STBD1: variants seen among roughly 807,000 people sequenced by gnomAD.
STBD1 encodes the protein starch binding domain 1.
In STBD1, 13 loss-of-function variants were observed where a neutral mutation model predicts 10.5. The ratio of observed to expected loss-of-function variants is 1.24; its 90% CI spans 0.81 to 1.97. STBD1 has a LOEUF of 1.97. Ranked by LOEUF, STBD1 falls within the 30% of genes most tolerant of loss-of-function variation. The probability of loss-of-function intolerance (pLI) is 0.00; values close to 1 mark genes in which losing one functional copy is unlikely to be tolerated. For missense variants in STBD1, 427 were observed against 435.6 expected, an observed-to-expected ratio of 0.98 and a Z score of 0.17; for synonymous variants, 146 against 160.2, an observed-to-expected ratio of 0.91 and a Z score of 0.67.
chr4:76,308,605 C>T (rs961123032), intron 1 of STBD1, among the ~76,000 whole-genome samples: 3 of 152,222 alleles, frequency 2.0e-5, no homozygotes, highest in Non-Finnish European at 4.4e-5. Context: ...CCACTCCTGC[C>T]CAGGGAAGCA....
chr4:76,310,149 A>G lies in STBD1; in HGVS notation c.*149A>G, dbSNP rs1718903293. On this transcript the variant is annotated 3_prime_UTR_variant, in exon 2 of 2. Transcript: ENST00000237642. The stretch of plus-strand genomic sequence containing the variant: ...CTAGTGGATTTTGTCTAATGTGCAG[A>G]AATATATATGTCTAATGTGCAGAAA... 3 of 940,260 alleles carry G rather than the reference A, an allele frequency of 3.2e-6. No individual in the cohort carries two copies. Among genetic ancestry groups the G allele is most frequent in the African/African-American group, 3.3e-5 (2 of 60,960 alleles). 58.2% of individuals were successfully genotyped at this position (940,260 alleles called of 1,614,324 possible).
intron 1 of STBD1, among the ~76,000 whole-genome samples, chr4:76,308,107 A>T (rs1469754560): frequency 6.6e-6 from 1 of 152,026 alleles, no homozygotes; most frequent in Non-Finnish European, 1.5e-5. Flanking sequence ...TGTCTCTACT[A>T]AAAGTACAAA....
At chr4:76,309,030 G>C in intron 1 of STBD1, 114 bp from the exon 2 acceptor site, 1 of 1,411,614 alleles carries the variant, frequency 7.1e-7, no homozygotes, top group African/African-American at 1.4e-5. Flanking sequence ...GGGACTTTGT[G>C]AATTGCAGAT....
chr4:76,309,803 A>G lies in STBD1; in HGVS notation c.880A>G (p.Asn294Asp), dbSNP rs577155826. ...TGDHECLGRW[N>D]TYIPLHYNKD... Reference sequence around the variant, plus strand: ...AGACCATGAGTGTCTTGGGAGATGGAACACTTACATCCCACTCCACTATAA... The same window carrying G: ...AGACCATGAGTGTCTTGGGAGATGGGACACTTACATCCCACTCCACTATAA... Residue 294 changes from asparagine (N) to aspartate (D), a missense_variant, in exon 2 of 2, where the codon AAC becomes GAC. Transcript: ENST00000237642. 1.7e-5 allele frequency: 27 copies of G among 1,614,212 alleles called. No homozygotes were observed. The African/African-American group carries it at 3.5e-4, about 21-fold the overall frequency.
intron 1 of STBD1, 125 bp downstream of exon 1, chr4:76,307,114 T>A (rs973542155): frequency 9.9e-7 from 1 of 1,011,218 alleles, no homozygotes; most frequent in Non-Finnish European, 1.5e-6. Context: ...CGGGCTCTCC[T>A]AAGGGGACTG....
Position 76,309,719 on chromosome 4 carries a change from G to T in STBD1, c.796G>T (p.Val266Phe). 6.2e-7 allele frequency: 1 copy of T among 1,614,260 alleles called. No homozygotes were observed. The highest frequency in any genetic ancestry group is 8.5e-7 in the Non-Finnish European group (1 of 1,180,050). Residue 266 changes from valine (V) to phenylalanine (F), a missense_variant, in exon 2 of 2, where the codon GTC becomes TTC. Transcript: ENST00000237642. ...GCCTGCAGGGTCTCAGCAAGTTAGT[G>T]TCAGGTTCCAGGTCCATTATGTCAC... Reference protein sequence around the residue: ...VMPAGSQQVSVRFQVHYVTST... With the variant: ...VMPAGSQQVSFRFQVHYVTST...
Position 76,309,364 on chromosome 4 carries a change from A to C in STBD1, c.441A>C (p.Glu147Asp). 6.2e-7 allele frequency: 1 copy of C among 1,612,820 alleles called. No individual in the cohort carries two copies. The highest frequency in any genetic ancestry group is 1.3e-5 in the African/African-American group (1 of 74,906). The change falls in exon 2 of 2, where the codon GAA becomes GAC. Residue 147 changes from glutamate (E) to aspartate (D), a missense_variant. By Grantham distance (45) the Glu-to-Asp change is conservative. Transcript: ENST00000237642. The part of the protein sequence containing the change: ...YSEVSRNESL[E>D]SPMGEWGFQK... Reference sequence around the variant, plus strand: ...AAGTTTCAAGAAATGAAAGCCTTGAATCTCCTATGGGAGAATGGGGATTCC... The same window carrying C: ...AAGTTTCAAGAAATGAAAGCCTTGACTCTCCTATGGGAGAATGGGGATTCC...
rs770371899 is a variant in STBD1, at chr4:76,306,806, G to T, written c.37G>T (p.Gly13Cys). ...CTGGTCCGCCCTGCTGGTTGGAGGG[G>T]GTCTGGCCGGAGCACTTTTCGTTTG... ...AVWSALLVGG[G>C]LAGALFVWLL... is the part of the protein sequence containing the mutation. The change falls in exon 1 of 2, where the codon GGT (glycine) becomes TGT (cysteine). Residue 13 changes from glycine (G) to cysteine (C), a missense_variant. Transcript: ENST00000237642. The T allele has an allele frequency of 3.7e-6, 6 of 1,612,762 alleles. No homozygotes were observed. The Admixed American group carries it at 1.0e-4, about 27-fold the overall frequency.
Position 76,306,959 on chromosome 4 carries a change from C to T in STBD1, c.190C>T (p.Pro64Ser). The T allele has an allele frequency of 6.2e-7, 1 of 1,606,268 alleles. No individual in the cohort carries two copies. Among genetic ancestry groups the T allele is most frequent in the Non-Finnish European group, 8.5e-7 (1 of 1,177,506 alleles). ...TGGCAGCAGCGGACTGAGCCCTGGACCTTCCGGGCAGGAGCTGGTCACCAA... is the reference window on the plus strand; with the variant it reads ...TGGCAGCAGCGGACTGAGCCCTGGATCTTCCGGGCAGGAGCTGGTCACCAA... ...QSGSSGLSPG[P>S]SGQELVTKPE... The change falls in exon 1 of 2, where the codon CCT becomes TCT. Residue 64 changes from proline to serine, a missense_variant. Transcript: ENST00000237642.
rs558044061 is a variant in STBD1 at position 76,310,953 on chromosome 4, A to G, written c.*953A>G. On this transcript the variant is annotated 3_prime_UTR_variant, in exon 2 of 2. Coordinates refer to ENST00000237642, the MANE Select transcript of STBD1 (RefSeq NM_003943.5). ...CATCTGGCCAGATGGACTGTCCTAC[A>G]GCAATCGTTTCCATCTGTCACCCTC... 1.7e-4 allele frequency: 26 copies of G among 152,350 alleles called. No homozygotes were observed. The highest frequency in any genetic ancestry group is 4.8e-4 in the African/African-American group (20 of 41,566). The allele number at this position is 152,350 out of a possible 1,614,324, so 9.4% of individuals were successfully genotyped here. A position where few individuals can be genotyped will look rare whatever the true frequency, so the allele number is the denominator to read the frequency against.
intron 1 of STBD1, among the ~76,000 whole-genome samples, chr4:76,307,682 C>T (rs934190291): frequency 3.3e-5 from 5 of 152,192 alleles, no homozygotes; most frequent in Admixed American, 2.0e-4. Context: ...GGACCCAACC[C>T]TGATGAGTAG....
In STBD1 at chr4:76,309,562, G is replaced by T. The variant is rs759808627; in HGVS notation, c.639G>T (p.Gly213=). The T allele has an allele frequency of 6.2e-7, 1 of 1,614,130 alleles. No individual in the cohort carries two copies. Among genetic ancestry groups the T allele is most frequent in the African/African-American group, 1.3e-5 (1 of 74,942 alleles). Residue 213 remains glycine (G), a synonymous_variant, in exon 2 of 2, where the codon GGG becomes GGT. Coordinates refer to ENST00000237642, the MANE Select transcript of STBD1 (RefSeq NM_003943.5). The part of the protein sequence containing the change: ...WEMVPRHSSW[G]DVGVGGSLKA... ...TGGTGCCTAGGCACTCATCTTGGGG[G>T]GATGTTGGTGTGGGTGGCAGTCTTA...
Position 76,309,799 on chromosome 4 carries a change from A to G in STBD1, c.876A>G (p.Arg292=). 6.2e-7 allele frequency: 1 copy of G among 1,614,170 alleles called. No individual in the cohort carries two copies. The highest frequency in any genetic ancestry group is 8.5e-7 in the Non-Finnish European group (1 of 1,180,036). The stretch of plus-strand genomic sequence containing the variant: ...CTGGAGACCATGAGTGTCTTGGGAG[A>G]TGGAACACTTACATCCCACTCCACT... ...AVTGDHECLG[R]WNTYIPLHYN... Residue 292 remains arginine, a synonymous_variant, in exon 2 of 2, where the codon AGA becomes AGG. Transcript: ENST00000237642.
chr4:76,306,971 G>C lies in STBD1; in HGVS notation c.202G>C (p.Glu68Gln), dbSNP rs1718788719. The C allele has an allele frequency of 3.1e-6, 5 of 1,599,506 alleles. No homozygotes were observed. Among genetic ancestry groups the C allele is most frequent in the Non-Finnish European group, 4.3e-6 (5 of 1,174,490 alleles). ...ACTGAGCCCTGGACCTTCCGGGCAG[G>C]AGCTGGTCACCAAACCAGGTATTCT... ...SGLSPGPSGQ[E>Q]LVTKPEHLQE... Residue 68 changes from glutamate (E) to glutamine (Q), a missense_variant, in exon 1 of 2, where the codon GAG becomes CAG. By Grantham distance (29) the Glu-to-Gln change is conservative. Coordinates refer to ENST00000237642, the MANE Select transcript of STBD1 (RefSeq NM_003943.5).
At position 76,309,202 on chromosome 4, in the gene STBD1, G is replaced by T. The variant is rs917940939; in HGVS notation, c.279G>T (p.Leu93=). 6.2e-7 allele frequency: 1 copy of T among 1,610,884 alleles called. No homozygotes were observed. The highest frequency in any genetic ancestry group is 8.5e-7 in the Non-Finnish European group (1 of 1,179,292). Residue 93 remains leucine, a synonymous_variant, in exon 2 of 2, where the codon CTG becomes CTT. Coordinates refer to ENST00000237642, the MANE Select transcript of STBD1 (RefSeq NM_003943.5). ...CTAAGACCAAAGACCTTGGTAAACT[G>T]CAAGCAGCATCATGGAGATTGCAGA... The part of the protein sequence containing the change: ...LISKTKDLGK[L]QAASWRLQNP...
rs1259019445 is a variant in STBD1 at position 76,310,722 on chromosome 4, T to C, written c.*722T>C. 6.5e-6 allele frequency: 1 copy of C among 152,856 alleles called. No homozygotes were observed. Among genetic ancestry groups the C allele is most frequent in the Non-Finnish European group, 1.5e-5 (1 of 68,204 alleles). The allele number at this position is 152,856 out of a possible 1,614,324, so 9.5% of individuals were successfully genotyped here. ...AGGGCCTAATGAGAACCAATCATCA[T>C]GGAAGTCAGTTGCGGGGGCAGCCCA... is the stretch of plus-strand genomic sequence containing the variant. On this transcript the variant is annotated 3_prime_UTR_variant, in exon 2 of 2. Transcript: ENST00000237642.
intron 1 of STBD1, 89 bp downstream of exon 1, chr4:76,307,078 C>T: frequency 1.5e-6 from 2 of 1,343,364 alleles, no homozygotes; most frequent in Non-Finnish European, 2.1e-6. Context: ...CCACCTGGAG[C>T]TTTCCTAGGG....
At chr4:76,307,469 A>G (rs1718809120) in intron 1 of STBD1, among the ~76,000 whole-genome samples, 1 of 152,216 alleles carries the variant, frequency 6.6e-6, no homozygotes, top group African/African-American at 2.4e-5. Flanking sequence ...TGGGTTTGGG[A>G]ACACCCGAAC....
chr4:76,309,376 A>G lies in STBD1; in HGVS notation c.453A>G (p.Gly151=), dbSNP rs762264796. 1.9e-6 allele frequency: 3 copies of G among 1,613,462 alleles called. No individual in the cohort carries two copies. The highest frequency in any genetic ancestry group is 1.1e-5 in the South Asian group (1 of 90,932). ...ATGAAAGCCTTGAATCTCCTATGGG[A>G]GAATGGGGATTCCAAAAAGGACAAG... The part of the protein sequence containing the change: ...SRNESLESPM[G]EWGFQKGQEI... The change falls in exon 2 of 2, where the codon GGA becomes GGG. Residue 151 remains glycine, a synonymous_variant. Transcript: ENST00000237642.
Sources: gnomAD v4.1 joint callset for allele counts (sites outside exome capture counted in the v4.1 genomes callset) on GRCh38, gnomAD v4.1.1 for gene constraint, MANE v1.5 for transcripts, NCBI Gene and HGNC (gene_info 2026-07-23, HGNC 2026-07-21) for gene names.